The following NEK4 variants were observed in gnomAD, a reference collection of about 807,000 sequenced individuals.
NEK4 encodes serine/threonine-protein kinase Nek4.
NEK4 carries 86 observed loss-of-function variants against 98.4 expected under a neutral mutation model. That is an observed-to-expected ratio of 0.87 (90% CI 0.73 to 1.05). NEK4 has a LOEUF of 1.05. NEK4 is among the 50% of genes least tolerant of loss of function. The pLI, the probability that NEK4 is intolerant of heterozygous loss-of-function variation, is 0.00. For missense variants in NEK4, 898 were observed against 950.3 expected (o/e 0.94, Z 0.72); for synonymous variants, 328 against 342.2 (o/e 0.96, Z 0.46).
At chr3:52,720,805 C>A (rs779605040) in intron 15 of NEK4, among the ~76,000 whole-genome samples, 19 of 152,230 alleles carry the variant, frequency 1.2e-4, no homozygotes, top group Non-Finnish European at 1.8e-4. Flanking sequence ...TACACAATAA[C>A]TCAAAGCAAT....
intron 8 of NEK4, 45 bp from the exon 9 acceptor site, chr3:52,746,949 G>C (rs2097397276): frequency 7.0e-7 from 1 of 1,428,412 alleles, no homozygotes; most frequent in Non-Finnish European, 9.7e-7. Context: ...CAGCAACCTG[G>C]TACATTGTAA....
chr3:52,764,502 G>A (rs2154106752), intron 4 of NEK4, among the ~76,000 whole-genome samples: 1 of 150,828 alleles, frequency 6.6e-6, no homozygotes, highest in South Asian at 2.1e-4. Context: ...GTGGTGGCGG[G>A]CACCTGTAGT....
intron 15 of NEK4, among the ~76,000 whole-genome samples, chr3:52,721,702 C>T (rs1465725156): frequency 1.3e-5 from 2 of 150,664 alleles, no homozygotes; most frequent in Admixed American, 1.3e-4. Context: ...CACCATTGTA[C>T]TCCAGCCTGG....
At chr3:52,719,217 C>T (rs2097357940) in intron 15 of NEK4, among the ~76,000 whole-genome samples, 2 of 152,276 alleles carry the variant, frequency 1.3e-5, no homozygotes, top group East Asian at 3.9e-4. Context: ...GCAACTGAAC[C>T]TGTGTTTTAG....
At position 52,765,881 on chromosome 3, in the gene NEK4, C is replaced by T. The variant is rs369827219; in HGVS notation, c.666+6G>A. The T allele has an allele frequency of 6.5e-7, 1 of 1,539,136 alleles. No individual in the cohort carries two copies. The highest frequency in any genetic ancestry group is 9.0e-7 in the Non-Finnish European group (1 of 1,112,886). ...ACTGGTCAATTAGTTCTAGATTATTCTTTACCTTTCCTTCAATAATCCGAT... is the reference window on the plus strand; with the variant it reads ...ACTGGTCAATTAGTTCTAGATTATTTTTTACCTTTCCTTCAATAATCCGAT... On this transcript the variant is annotated splice_donor_region_variant and intron_variant, in intron 4 of 15. Transcript: ENST00000233027.
intron 15 of NEK4, among the ~76,000 whole-genome samples, chr3:52,725,587 G>C (rs114157939): frequency 0.017 from 2,512 of 151,766 alleles, 79 homozygotes; most frequent in African/African-American, 0.058. Flanking sequence ...ATAACTAGAA[G>C]GATTTGGGGC....
intron 6 of NEK4, chr3:52,754,564 C>T (rs1160413807): frequency 3.7e-6 from 5 of 1,347,672 alleles, no homozygotes; most frequent in Non-Finnish European, 5.2e-6. Context: ...CATGATGAAG[C>T]CAGAGAAAAG....
intron 11 of NEK4, 126 bp from the exon 12 acceptor site, chr3:52,743,587 T>C (rs2097390515): frequency 1.5e-6 from 1 of 671,466 alleles, no homozygotes; most frequent in African/African-American, 1.8e-5. Context: ...AGCATATTTA[T>C]CATTTCTCTG....
chr3:52,770,503 G>GC (rs1698737927), intron 1 of NEK4, 151 bp downstream of exon 1: 1 of 612,578 alleles, frequency 1.6e-6, no homozygotes, highest in Admixed American at 2.7e-5. Context: ...TTACAGGGAG[G>GC]CCAGGCCTCG....
At chr3:52,752,933 T>TATACACACACACACACACACAC (rs148965312) in intron 6 of NEK4, among the ~76,000 whole-genome samples, 3 of 75,574 alleles carry the variant, frequency 4.0e-5, no homozygotes, top group East Asian at 6.7e-4. Context: ...TATATATATA[T>TATACACACACACACACACACAC]ACACACACAC....
chr3:52,738,488 T>C (rs1401199395), intron 14 of NEK4, among the ~76,000 whole-genome samples: 2 of 151,862 alleles, frequency 1.3e-5, no homozygotes, highest in African/African-American at 4.8e-5. Context: ...TCTTGCTCTG[T>C]CGCTCAGGCT....
chr3:52,719,229 T>C (rs1229063104), intron 15 of NEK4, among the ~76,000 whole-genome samples: 1 of 152,174 alleles, frequency 6.6e-6, no homozygotes, highest in African/African-American at 2.4e-5. Flanking sequence ...GTGTTTTAGA[T>C]ACAGCAGTAG....
rs1020280757 is a variant in NEK4, at chr3:52,711,170, A to G, written c.*607T>C. 1.3e-5 allele frequency: 2 copies of G among 152,482 alleles called. No homozygotes were observed. The highest frequency in any genetic ancestry group is 1.3e-4 in the Admixed American group (2 of 15,280). 9.4% of individuals were successfully genotyped at this position (152,482 alleles called of 1,614,324 possible). On this transcript the variant is annotated 3_prime_UTR_variant, in exon 16 of 16. Transcript: ENST00000233027. The stretch of plus-strand genomic sequence containing the variant: ...CCAATGTGTCTCAGTTTTAATTTGT[A>G]TATACCCTAGATGAGGTTTATATTA...
At chr3:52,727,867 C>T (rs985375157) in intron 15 of NEK4, among the ~76,000 whole-genome samples, 14 of 152,118 alleles carry the variant, frequency 9.2e-5, no homozygotes, top group African/African-American at 3.4e-4. Flanking sequence ...AAACAATATA[C>T]TGAAACTTTT....
chr3:52,730,623 G>A (rs1459672606), intron 15 of NEK4, among the ~76,000 whole-genome samples: 1 of 152,186 alleles, frequency 6.6e-6, no homozygotes, highest in Non-Finnish European at 1.5e-5. Flanking sequence ...TGTCCTTGTT[G>A]AGTCTTGATG....
At chr3:52,745,884 C>T (rs968227800) in intron 10 of NEK4, among the ~76,000 whole-genome samples, 177 bp downstream of exon 10, 1 of 152,058 alleles carries the variant, frequency 6.6e-6, no homozygotes, top group South Asian at 2.1e-4. Context: ...CACCACATTT[C>T]GCTAATTTTT....
rs919431818 is a variant in NEK4, at chr3:52,710,312, C to G, written c.*1465G>C. On this transcript the variant is annotated 3_prime_UTR_variant, in exon 16 of 16. Transcript: ENST00000233027. ...CCTGGGAGGCGGAGCTTGCAGTGAT[C>G]TGAGATTGGGCCACTGCACTTCAGC... The G allele has an allele frequency of 1.3e-5, 2 of 151,050 alleles. No individual in the cohort carries two copies. Among genetic ancestry groups the G allele is most frequent in the Non-Finnish European group, 2.9e-5 (2 of 67,970 alleles). 9.4% of individuals were successfully genotyped at this position (151,050 alleles called of 1,614,324 possible).
chr3:52,725,790 C>T (rs2097363975), intron 15 of NEK4, among the ~76,000 whole-genome samples: 1 of 150,844 alleles, frequency 6.6e-6, no homozygotes, highest in African/African-American at 2.4e-5. Context: ...CAAAAGAAGA[C>T]AGTAATGCAG....
At position 52,708,492 on chromosome 3, in the gene NEK4, A is replaced by G. The variant is rs1323579873; in HGVS notation, c.*3285T>C. ...TTGAATGAGAACTGCATTGTACAAT[A>G]TGGTGCCACTAGACACGTCTATTTA... is the stretch of plus-strand genomic sequence containing the variant. On this transcript the variant is annotated 3_prime_UTR_variant, in exon 16 of 16. Transcript: ENST00000233027. 1.3e-5 allele frequency: 2 copies of G among 152,244 alleles called. No homozygotes were observed. Among genetic ancestry groups the G allele is most frequent in the East Asian group, 1.9e-4 (1 of 5,204 alleles). 9.4% of individuals were successfully genotyped at this position (152,244 alleles called of 1,614,324 possible). A position where few individuals can be genotyped will look rare whatever the true frequency, so the allele number is the denominator to read the frequency against.
Sources: allele counts gnomAD v4.1 joint callset (sites outside exome capture counted in the v4.1 genomes callset), GRCh38; gene constraint gnomAD v4.1.1; transcripts MANE v1.5; gene names NCBI Gene and HGNC (gene_info 2026-07-23, HGNC 2026-07-21).